The following PPFIBP2 variants were observed in gnomAD, a reference collection of about 807,000 sequenced individuals.
PPFIBP2 encodes PPFIB scaffold protein 2.
PPFIBP2 carries 118 observed loss-of-function variants against 118.3 expected under a neutral mutation model. That is an observed-to-expected ratio of 1.00 (90% confidence interval 0.86 to 1.16). The LOEUF is 1.16. PPFIBP2 is among the 50% of genes most tolerant of loss of function. PPFIBP2 has a pLI of 0.00. For missense variants in PPFIBP2, 1,195 were observed against 1,073.1 expected (o/e 1.11, Z -1.59); for synonymous variants, 414 against 397.4 (o/e 1.04, Z -0.50).
At chr11:7,580,224 G>C (rs1006361576) in intron 3 of PPFIBP2, among the ~76,000 whole-genome samples, 1 of 152,052 alleles carries the variant, frequency 6.6e-6, no homozygotes, top group Non-Finnish European at 1.5e-5. Context: ...CTCCATCCAG[G>C]CTGTCTTTTC....
In PPFIBP2 at chr11:7,641,232, G is replaced by T. The variant is rs376436897; in HGVS notation, c.1376-247G>T. The T allele has an allele frequency of 2.1e-5, 16 of 780,322 alleles. No homozygotes were observed. In the East Asian group the frequency reaches 3.1e-4, roughly 15 times the overall value. The allele number at this position is 780,322 out of a possible 1,614,324, so 48.3% of individuals were successfully genotyped here. A position where few individuals can be genotyped will look rare whatever the true frequency, so the allele number is the denominator to read the frequency against. ...GTTGGAATAATCCACAAGTACTTTG[G>T]ACCCCAAATCCTTAAAATTAAAGAC... On this transcript the variant is annotated intron_variant, in intron 15 of 23. Coordinates refer to ENST00000299492, the MANE Select transcript of PPFIBP2 (RefSeq NM_003621.5).
intron 1 of PPFIBP2, among the ~76,000 whole-genome samples, chr11:7,520,039 C>T (rs1027174442): frequency 1.3e-5 from 2 of 152,140 alleles, no homozygotes; most frequent in South Asian, 2.1e-4. Context: ...GACACAGACC[C>T]GAGCCTCTCC....
the PPFIBP2 span, chr11:7,665,508 TC>T: frequency 5.3e-5 from 85 of 1,613,260 alleles, no homozygotes; most frequent in Non-Finnish European, 6.9e-5. Flanking sequence ...TGCTCCTTGA[TC>T]ATGTCGGCAG....
chr11:7,593,271 A>G (rs1398327977), intron 4 of PPFIBP2, 47 bp downstream of exon 4: 7 of 1,597,886 alleles, frequency 4.4e-6, no homozygotes, highest in Non-Finnish European at 6.0e-6. Flanking sequence ...ACCTCCTACT[A>G]TGTAGCTTCC....
At chr11:7,563,928 G>C (rs1161926824) in intron 2 of PPFIBP2, among the ~76,000 whole-genome samples, 1 of 152,166 alleles carries the variant, frequency 6.6e-6, no homozygotes, top group Non-Finnish European at 1.5e-5. Context: ...CACTTTGGTA[G>C]GCCAATTTGG....
At chr11:7,661,808 T>C (rs1266352206), downstream of PPFIBP2, among the ~76,000 whole-genome samples, 8 of 94,426 alleles carry the variant, frequency 8.5e-5, 1 homozygote, top group African/African-American at 2.8e-4. Flanking sequence ...CACTCAGGAC[T>C]TGCTTTATGA....
intron 1 of PPFIBP2, among the ~76,000 whole-genome samples, 177 bp from the exon 2 acceptor site, chr11:7,549,263 G>GA (rs1361744448): frequency 6.6e-6 from 1 of 152,178 alleles, no homozygotes; most frequent in Non-Finnish European, 1.5e-5. Flanking sequence ...AAGATTCATG[G>GA]AAAAAGCACT....
At chr11:7,554,653 G>C (rs1227012687) in intron 2 of PPFIBP2, among the ~76,000 whole-genome samples, 1 of 152,096 alleles carries the variant, frequency 6.6e-6, no homozygotes, top group Non-Finnish European at 1.5e-5. Context: ...GTCTCAGGTG[G>C]TCAATGTTGG....
At chr11:7,561,945 C>T (rs950123200) in intron 2 of PPFIBP2, among the ~76,000 whole-genome samples, 7 of 152,114 alleles carry the variant, frequency 4.6e-5, no homozygotes, top group South Asian at 4.1e-4. Context: ...ACAGTTTTGT[C>T]GAAGACAGTT....
Position 7,595,232 on chromosome 11 carries a change from T to A in PPFIBP2, c.372+2008T>A, listed in dbSNP as rs377188734. Among the ~76,000 whole-genome samples the A allele has an allele frequency of 1.8e-4, 28 of 152,290 alleles. No homozygotes were observed. In the East Asian group the frequency reaches 4.2e-3, roughly 23 times the overall value. The stretch of plus-strand genomic sequence containing the variant: ...TCAAAAGGGTGGTGCGAGCTGCCTT[T>A]AGAAAGGTAGCAAGGGCCAGATTGA... On this transcript the variant is annotated intron_variant, in intron 4 of 23. Transcript: ENST00000299492.
intron 10 of PPFIBP2, among the ~76,000 whole-genome samples, chr11:7,630,110 A>G (rs1362918980): frequency 6.6e-6 from 1 of 152,176 alleles, no homozygotes; most frequent in Non-Finnish European, 1.5e-5. Flanking sequence ...GGCTGCCTTC[A>G]TTGTTCATGC....
At chr11:7,624,535 A>G (rs1849736734) in intron 7 of PPFIBP2, among the ~76,000 whole-genome samples, 1 of 152,194 alleles carries the variant, frequency 6.6e-6, no homozygotes, top group South Asian at 2.1e-4. Flanking sequence ...AACAGCCCAT[A>G]CTATAACCTT....
intron 1 of PPFIBP2, among the ~76,000 whole-genome samples, chr11:7,546,124 C>A (rs1231219126): frequency 6.6e-6 from 1 of 152,172 alleles, no homozygotes; most frequent in Non-Finnish European, 1.5e-5. Context: ...AGTCCCTTGC[C>A]CTATGTATCT....
chr11:7,552,950 C>T (rs931385012), intron 2 of PPFIBP2, among the ~76,000 whole-genome samples: 1 of 152,188 alleles, frequency 6.6e-6, no homozygotes, highest in Non-Finnish European at 1.5e-5. Context: ...TTGTCTGCCT[C>T]CTGCACCAGC....
At chr11:7,610,031 T>C (rs1292256489) in intron 5 of PPFIBP2, among the ~76,000 whole-genome samples, 1 of 152,246 alleles carries the variant, frequency 6.6e-6, no homozygotes, top group Non-Finnish European at 1.5e-5. Flanking sequence ...AATAATGGTC[T>C]CTATGGGCAA....
rs769684413 is a variant in PPFIBP2, at chr11:7,651,842, C to A, written c.2434C>A (p.Arg812=). The A allele has an allele frequency of 6.2e-7, 1 of 1,607,622 alleles. No individual in the cohort carries two copies. The highest frequency in any genetic ancestry group is 8.5e-7 in the Non-Finnish European group (1 of 1,174,912). ...ACCACTGACCACCACAGCCAAAGTC[C>A]GGGTGAGTTGCAGAGCCTTTCTGGG... ...YTPLTTTAKV[R]PRKLGFSHFG... Residue 812 remains arginine, a splice_region_variant and synonymous_variant, in exon 23 of 24, where the codon CGG becomes AGG. Transcript: ENST00000299492.
At position 7,618,426 on chromosome 11, in the gene PPFIBP2, G is replaced by A. The variant is rs141286043; in HGVS notation, c.619-2509G>A. ...AGAGGATGATTTCTGTATACCCACAGTGGCAGCCCCTCAGGCAGTAGGAAC... is the reference window on the plus strand; with the variant it reads ...AGAGGATGATTTCTGTATACCCACAATGGCAGCCCCTCAGGCAGTAGGAAC... On this transcript the variant is annotated intron_variant, in intron 6 of 23. Transcript: ENST00000299492. Among the ~76,000 whole-genome samples, 21 of 152,314 alleles carry A rather than the reference G, an allele frequency of 1.4e-4. No individual in the cohort carries two copies. The East Asian group carries it at 3.3e-3, about 24-fold the overall frequency.
rs781739525 is a variant in PPFIBP2 at position 7,565,668 on chromosome 11, C to CT, written c.182dup (p.Leu61PhefsTer30). The CT allele has an allele frequency of 5.6e-6, 9 of 1,614,094 alleles. No homozygotes were observed. Among genetic ancestry groups the CT allele is most frequent in the Non-Finnish European group, 7.6e-6 (9 of 1,180,022 alleles). ...ATCTCATCGAGGACTTGAGGCTGGCCTTGGAGATGCTGGAGCTTCCTCAGG... is the reference window on the plus strand; with the variant it reads ...ATCTCATCGAGGACTTGAGGCTGGCCTTTGGAGATGCTGGAGCTTCCTCAGG... On this transcript the variant is annotated frameshift_variant, in exon 3 of 24. Coordinates refer to ENST00000299492, the MANE Select transcript of PPFIBP2 (RefSeq NM_003621.5). LOFTEE classifies it high-confidence loss of function.
chr11:7,520,501 A>G (rs1242674412), intron 1 of PPFIBP2, among the ~76,000 whole-genome samples: 10 of 150,860 alleles, frequency 6.6e-5, no homozygotes, highest in Non-Finnish European at 1.0e-4. Flanking sequence ...TTACTTGGCC[A>G]TAAGATTTTT....
Sources: gnomAD v4.1 joint callset for allele counts (sites outside exome capture counted in the v4.1 genomes callset) on GRCh38, gnomAD v4.1.1 for gene constraint, MANE v1.5 for transcripts, NCBI Gene and HGNC (gene_info 2026-07-23, HGNC 2026-07-21) for gene names.